The following MEF2C variants were observed in gnomAD, a reference collection of about 807,000 sequenced individuals.
MEF2C encodes myocyte-specific enhancer factor 2C.
In MEF2C, 6 loss-of-function variants were observed where a neutral mutation model predicts 50.5. The ratio of observed to expected loss-of-function variants is 0.12; its 90% CI spans 0.07 to 0.23. The LOEUF (loss-of-function observed/expected upper bound fraction) is 0.23, where lower values mean the gene tolerates loss of function less well. Among genes scored for constraint, MEF2C ranks in the 10% least tolerant of loss-of-function variants. The pLI is 1.00. For missense variants in MEF2C, 276 were observed against 605.0 expected (o/e 0.46, Z 5.70); for synonymous variants, 183 against 228.0 (o/e 0.80, Z 1.78).
intron 3 of MEF2C, among the ~76,000 whole-genome samples, chr5:88,785,940 C>G (rs1466509474): frequency 6.6e-6 from 1 of 152,134 alleles, no homozygotes; most frequent in Non-Finnish European, 1.5e-5. Flanking sequence ...TTATCATCGC[C>G]CGCATTCTCA....
intron 1 of MEF2C, chr5:88,839,656 T>C (rs777859836): frequency 6.6e-6 from 1 of 151,862 alleles, no homozygotes; most frequent in East Asian, 1.9e-4. Context: ...ATTACTCTTA[T>C]ATGCTAAAAA....
At chr5:88,855,979 A>C (rs1823181139) in intron 1 of MEF2C, among the ~76,000 whole-genome samples, 1 of 152,212 alleles carries the variant, frequency 6.6e-6, no homozygotes, top group Non-Finnish European at 1.5e-5. Flanking sequence ...AACAGTTTGG[A>C]GGGCTCTGAA....
chr5:88,789,104 A>C (rs898417788), intron 3 of MEF2C, among the ~76,000 whole-genome samples: 1 of 152,138 alleles, frequency 6.6e-6, no homozygotes, highest in Non-Finnish European at 1.5e-5. Flanking sequence ...TTCAGAAATT[A>C]TAAAATAAGT....
rs370352389 is a variant in MEF2C at position 88,766,877 on chromosome 5, C to T, written c.259-5549G>A. ...CTTAGAAAAGGTAGTTTCCTTTCCT[C>T]TGATCCTGAATCATTTTTTTGCTTG... On this transcript the variant is annotated intron_variant, in intron 3 of 10. Transcript: ENST00000504921. The T allele has an allele frequency of 1.5e-5, 14 of 942,388 alleles. No homozygotes were observed. The East Asian group carries it at 8.1e-4, about 55-fold the overall frequency. 58.4% of individuals were successfully genotyped at this position (942,388 alleles called of 1,614,324 possible). A position where few individuals can be genotyped will look rare whatever the true frequency, so the allele number is the denominator to read the frequency against.
intron 5 of MEF2C, 46 bp downstream of exon 5, chr5:88,751,808 ATGG>A: frequency 6.3e-7 from 1 of 1,578,334 alleles, no homozygotes; most frequent in Non-Finnish European, 8.7e-7. Context: ...TTTGCCGAAA[ATGG>A]TTCCTTCCAA....
chr5:88,883,002 TAA>T lies in MEF2C; in HGVS notation c.-192_-191del, dbSNP rs1491174814. The T allele has an allele frequency of 6.6e-6, 1 of 151,780 alleles. No homozygotes were observed. The highest frequency in any genetic ancestry group is 1.5e-5 in the Non-Finnish European group (1 of 67,880). 9.4% of individuals were successfully genotyped at this position (151,780 alleles called of 1,614,324 possible). A position where few individuals can be genotyped will look rare whatever the true frequency, so the allele number is the denominator to read the frequency against. On this transcript the variant is annotated 5_prime_UTR_variant, in exon 1 of 11. Coordinates refer to ENST00000504921, the MANE Select transcript of MEF2C (RefSeq NM_002397.5). ...TAGTCCTTGGGATATTTTCCTTTCT[TAA>T]GAGAGAGAGAGAGAGAAAAAAAAAA... is the stretch of plus-strand genomic sequence containing the variant.
chr5:88,825,572 A>G (rs969469455), intron 1 of MEF2C: 2 of 979,552 alleles, frequency 2.0e-6, no homozygotes, highest in Non-Finnish European at 2.4e-6. Flanking sequence ...TAGTTATAAC[A>G]TATTGAAATC....
intron 3 of MEF2C, among the ~76,000 whole-genome samples, chr5:88,781,521 C>T (rs1284377062): frequency 2.0e-5 from 3 of 151,122 alleles, no homozygotes; most frequent in Non-Finnish European, 4.4e-5. Context: ...GTTTGTCTGA[C>T]GCTAAAATGT....
chr5:88,735,075 G>A (rs1763538080), intron 6 of MEF2C: 2 of 985,238 alleles, frequency 2.0e-6, no homozygotes, highest in African/African-American at 3.5e-5. Context: ...AGGAATGCAA[G>A]ACTGTGGATC....
intron 6 of MEF2C, chr5:88,736,924 T>C (rs1416586634): frequency 3.0e-6 from 3 of 985,192 alleles, no homozygotes; most frequent in Admixed American, 6.2e-5. Context: ...CTTTTAAGGA[T>C]CAACTAAAGT....
intron 3 of MEF2C, chr5:88,766,848 T>A: frequency 1.0e-6 from 1 of 984,628 alleles, no homozygotes; most frequent in Non-Finnish European, 1.2e-6. Flanking sequence ...AAAAAAAGCA[T>A]CAACTTAGAA....
At chr5:88,876,162 G>C (rs1831014019) in intron 1 of MEF2C, among the ~76,000 whole-genome samples, 1 of 149,000 alleles carries the variant, frequency 6.7e-6, no homozygotes, top group Non-Finnish European at 1.5e-5. Flanking sequence ...CCTACATGAA[G>C]GATATAACTT....
At chr5:88,870,045 G>A (rs1829033453) in intron 1 of MEF2C, among the ~76,000 whole-genome samples, 1 of 151,098 alleles carries the variant, frequency 6.6e-6, no homozygotes. Context: ...GACTTGAGTA[G>A]GAAGGTAGGT....
intron 3 of MEF2C, among the ~76,000 whole-genome samples, chr5:88,782,394 AG>A (rs1384363033): frequency 6.6e-6 from 1 of 151,616 alleles, no homozygotes; most frequent in African/African-American, 2.4e-5. Context: ...TGAGCCCAGG[AG>A]TTGGAGGTTG....
At chr5:88,845,477 T>C (rs1818970675) in intron 1 of MEF2C, among the ~76,000 whole-genome samples, 3 of 152,190 alleles carry the variant, frequency 2.0e-5, no homozygotes, top group Admixed American at 2.0e-4. Flanking sequence ...AGTATCGACA[T>C]ACCACTAAAT....
chr5:88,804,455 G>T (rs1012667554), intron 3 of MEF2C, 143 bp downstream of exon 3: 1 of 673,424 alleles, frequency 1.5e-6, no homozygotes, highest in Non-Finnish European at 2.5e-6. Flanking sequence ...TAAGAGTTGC[G>T]ATAGATAATA....
chr5:88,798,323 G>A (rs1047900183), intron 3 of MEF2C, among the ~76,000 whole-genome samples: 1 of 151,944 alleles, frequency 6.6e-6, no homozygotes, highest in Non-Finnish European at 1.5e-5. Context: ...TTTCTTGGAG[G>A]CTTTGTTCAT....
intron 1 of MEF2C, chr5:88,878,036 C>T (rs904607013): frequency 4.6e-5 from 7 of 152,018 alleles, no homozygotes; most frequent in African/African-American, 1.4e-4. Context: ...ACGAAAGGAA[C>T]ACACCCCCTT....
At chr5:88,895,115 C>G (rs1561496932) in intron 1 of MEF2C, among the ~76,000 whole-genome samples, 1 of 152,088 alleles carries the variant, frequency 6.6e-6, no homozygotes. Flanking sequence ...CAAGAAATAC[C>G]CCATATTCCT....
Sources: gnomAD v4.1 joint callset for allele counts (sites outside exome capture counted in the v4.1 genomes callset) on GRCh38, gnomAD v4.1.1 for gene constraint, MANE v1.5 for transcripts, NCBI Gene and HGNC (gene_info 2026-07-23, HGNC 2026-07-21) for gene names.